The following MRPS6 variants were observed in gnomAD, a reference collection of about 807,000 sequenced individuals.
The protein encoded by MRPS6 is small ribosomal subunit protein bS6m.
In MRPS6, 6 loss-of-function variants were observed where a neutral mutation model predicts 13.1. The observed-to-expected ratio is 0.46, with a 90% CI of 0.25 to 0.91. The LOEUF (loss-of-function observed/expected upper bound fraction) is 0.91, where lower values mean the gene tolerates loss of function less well. Among genes scored for constraint, MRPS6 ranks in the 40% least tolerant of loss-of-function variants. The pLI is 0.18. For synonymous variants in MRPS6, 61 were observed against 56.5 expected (o/e 1.08, Z -0.36); for missense variants, 164 against 155.6 (o/e 1.05, Z -0.29).
chr21:34,095,502 A>G, intron 1 of MRPS6: 1 of 1,613,864 alleles, frequency 6.2e-7, no homozygotes, highest in Non-Finnish European at 8.5e-7. Flanking sequence ...CCCAATTTAC[A>G]TCCGGTCAGG....
chr21:34,103,600 C>T (rs1979346108), intron 1 of MRPS6: 1 of 999,966 alleles, frequency 1.0e-6, no homozygotes, highest in South Asian at 4.7e-5. Flanking sequence ...CATTAGTGTA[C>T]CCACACATAG....
At position 34,098,340 on chromosome 21, in the gene MRPS6, A is replaced by G. The variant is rs897057631; in HGVS notation, c.45+24595A>G. ...GATATGTCCAGAAACCTGAAGAAAA[A>G]TTGACGCTGCCTTTGTGTGCTGGAT... On this transcript the variant is annotated intron_variant, in intron 1 of 2. Transcript: ENST00000399312. 1.4e-5 allele frequency: 14 copies of G among 1,000,144 alleles called. No individual in the cohort carries two copies. In the African/African-American group the frequency reaches 2.1e-4, roughly 15 times the overall value. 62.0% of individuals were successfully genotyped at this position (1,000,144 alleles called of 1,614,324 possible).
intron 1 of MRPS6, among the ~76,000 whole-genome samples, chr21:34,073,949 C>CG: frequency 6.9e-6 from 1 of 145,308 alleles, no homozygotes; most frequent in Non-Finnish European, 1.5e-5. Context: ...GCGCGGGAGG[C>CG]GGGGGTGTGC....
intron 1 of MRPS6, chr21:34,105,442 C>T: frequency 1.0e-6 from 1 of 999,028 alleles, no homozygotes; most frequent in Non-Finnish European, 1.2e-6. Flanking sequence ...ATTTTTAAGC[C>T]AAATGTCAGC....
At chr21:34,101,854 A>G (rs1979251620) in intron 1 of MRPS6, 1 of 999,896 alleles carries the variant, frequency 1.0e-6, no homozygotes, top group South Asian at 4.7e-5. Context: ...TTTATTCTCA[A>G]AACTCCTTTT....
intron 1 of MRPS6, among the ~76,000 whole-genome samples, chr21:34,092,723 A>T (rs183799436): frequency 6.6e-6 from 1 of 152,360 alleles, no homozygotes; most frequent in African/African-American, 2.4e-5. Context: ...CTCTGAACAA[A>T]TAAGCTGCAG....
At chr21:34,078,810 AGTT>A (rs1001110961) in intron 1 of MRPS6, among the ~76,000 whole-genome samples, 10 of 152,242 alleles carry the variant, frequency 6.6e-5, no homozygotes, top group African/African-American at 2.2e-4. Context: ...TGTTATAAAA[AGTT>A]GTTGCAATTT....
intron 1 of MRPS6, among the ~76,000 whole-genome samples, chr21:34,082,811 C>A (rs765323827): frequency 2.6e-5 from 4 of 152,072 alleles, no homozygotes. Flanking sequence ...CCAGGTTGTT[C>A]TTACGTACGT....
intron 1 of MRPS6, among the ~76,000 whole-genome samples, chr21:34,077,583 A>G (rs186482166): frequency 6.6e-6 from 1 of 152,316 alleles, no homozygotes; most frequent in African/African-American, 2.4e-5. Context: ...ATATATATAT[A>G]TCTTCATATG....
rs758824444 is a variant in MRPS6 at position 34,073,779 on chromosome 21, C to G, written c.45+34C>G. 8.3e-6 allele frequency: 12 copies of G among 1,446,156 alleles called. 1 individual carries two copies. In the South Asian group the frequency reaches 1.5e-4, roughly 18 times the overall value. The allele number at this position is 1,446,156 out of a possible 1,614,324, so 89.6% of individuals were successfully genotyped here. On this transcript the variant is annotated intron_variant, in intron 1 of 2. Coordinates refer to ENST00000399312, the MANE Select transcript of MRPS6 (RefSeq NM_032476.4). ...CCTTCCCTCAGAGCCGGTCTTCCCG[C>G]GCGGGCGCCCCCGCTGCCGCTAGGC...
At chr21:34,094,740 A>AT (rs1274443505) in intron 1 of MRPS6, 1,856 of 7,772 alleles carry the variant, frequency 0.24, 42 homozygotes, top group South Asian at 0.48. Context: ...GTATTAAAAA[A>AT]ATTTTTTTTC....
chr21:34,139,576 T>TA (rs1980838304), intron 2 of MRPS6, among the ~76,000 whole-genome samples: 1 of 152,182 alleles, frequency 6.6e-6, no homozygotes, highest in Non-Finnish European at 1.5e-5. Flanking sequence ...TCTGAGTTGT[T>TA]AAATTTAATG....
At chr21:34,102,807 A>T (rs1280373636) in intron 1 of MRPS6, 1 of 1,000,002 alleles carries the variant, frequency 1.0e-6, no homozygotes, top group Non-Finnish European at 1.2e-6. Flanking sequence ...GTTGTCCATG[A>T]TACTGAAGCT....
At chr21:34,141,429 A>G (rs1473795836) in intron 2 of MRPS6, among the ~76,000 whole-genome samples, 1 of 152,178 alleles carries the variant, frequency 6.6e-6, no homozygotes, top group African/African-American at 2.4e-5. Flanking sequence ...CAGAGACATG[A>G]TAGAAGCAAG....
chr21:34,139,586 G>C (rs1273694288), intron 2 of MRPS6, among the ~76,000 whole-genome samples: 1 of 152,036 alleles, frequency 6.6e-6, no homozygotes, highest in African/African-American at 2.4e-5. Flanking sequence ...TAAATTTAAT[G>C]CTTTTTTTTG....
intron 1 of MRPS6, chr21:34,099,844 TC>T (rs979585325): frequency 1.0e-4 from 51 of 507,656 alleles, no homozygotes; most frequent in Non-Finnish European, 1.3e-4. Flanking sequence ...TAGACTAAAG[TC>T]CCTGAAGCTT....
intron 1 of MRPS6, among the ~76,000 whole-genome samples, chr21:34,118,557 C>CTTTCTTTTT: frequency 7.5e-6 from 1 of 133,160 alleles, no homozygotes; most frequent in African/African-American, 2.9e-5. Flanking sequence ...TTCTTTCTTT[C>CTTTCTTTTT]TTTTTTTTTT....
rs1980943098 is a variant in MRPS6 at position 34,142,579 on chromosome 21, C to G, written c.357C>G (p.Ser119=). 6.2e-7 allele frequency: 1 copy of G among 1,603,576 alleles called. No homozygotes were observed. Among genetic ancestry groups the G allele is most frequent in the Non-Finnish European group, 8.5e-7 (1 of 1,176,620 alleles). Residue 119 remains serine (S), a synonymous_variant, in exon 3 of 3, where the codon TCC becomes TCG. Transcript: ENST00000399312. ...TCCCACTCGCAGAAAAATTATATTC[C>G]ACAAAGAAGAGGAAGAAGTGAGAAG... ...VPVPLAEKLY[S]TKKRKK
At chr21:34,082,341 T>C (rs1989477776) in intron 1 of MRPS6, among the ~76,000 whole-genome samples, 1 of 152,194 alleles carries the variant, frequency 6.6e-6, no homozygotes, top group African/African-American at 2.4e-5. Context: ...GGCTAAAATA[T>C]ACATGTAGGC....
Sources: gnomAD v4.1 joint callset for allele counts (sites outside exome capture counted in the v4.1 genomes callset) on GRCh38, gnomAD v4.1.1 for gene constraint, MANE v1.5 for transcripts, NCBI Gene and HGNC (gene_info 2026-07-23, HGNC 2026-07-21) for gene names.